NRXN3: variants seen among roughly 807,000 people sequenced by gnomAD.
NRXN3 encodes the protein neurexin III.
Under a neutral mutation model 137.6 loss-of-function variants are expected in NRXN3, and 32 were observed. That is an observed-to-expected ratio of 0.23 (90% CI 0.18 to 0.31). The LOEUF is 0.31. NRXN3 is among the 10% of genes least tolerant of loss of function. The pLI is 1.00. For synonymous variants in NRXN3, 798 were observed against 784.5 expected, an observed-to-expected ratio of 1.02 and a Z score of -0.29; for missense variants, 1,574 against 2,062.5, an observed-to-expected ratio of 0.76 and a Z score of 4.59.
intron 6 of NRXN3, among the ~76,000 whole-genome samples, chr14:78,673,039 A>T (rs767698954): frequency 1.2e-3 from 186 of 152,326 alleles, no homozygotes; most frequent in Middle Eastern, 3.4e-3. Context: ...CTTATCAGTA[A>T]ATGTGCTCAG....
At chr14:79,127,255 C>T (rs530771857) in intron 15 of NRXN3, among the ~76,000 whole-genome samples, 10 of 152,236 alleles carry the variant, frequency 6.6e-5, no homozygotes, top group Admixed American at 2.6e-4. Flanking sequence ...TCACCCATGC[C>T]TATGTCCTGA....
At chr14:79,392,035 G>T (rs2094863649) in intron 15 of NRXN3, among the ~76,000 whole-genome samples, 1 of 151,916 alleles carries the variant, frequency 6.6e-6, no homozygotes, top group Non-Finnish European at 1.5e-5. Context: ...AGATACATGT[G>T]CAGAATGTGC....
chr14:79,017,647 G>A (rs751306422), intron 15 of NRXN3, among the ~76,000 whole-genome samples: 1 of 152,122 alleles, frequency 6.6e-6, no homozygotes, highest in Non-Finnish European at 1.5e-5. Context: ...GGGTCAGCTT[G>A]CACATTCTAT....
chr14:78,922,838 T>C (rs2099274727), intron 10 of NRXN3, among the ~76,000 whole-genome samples: 1 of 152,198 alleles, frequency 6.6e-6, no homozygotes, highest in South Asian at 2.1e-4. Flanking sequence ...GCATGTCCTG[T>C]ACATGTATCC....
chr14:78,359,902 T>C (rs2084871478), intron 4 of NRXN3, among the ~76,000 whole-genome samples: 1 of 152,136 alleles, frequency 6.6e-6, no homozygotes, highest in Non-Finnish European at 1.5e-5. Context: ...TCCAGAACCT[T>C]ATTCTGTCAT....
At chr14:78,690,986 G>A (rs965440981) in intron 6 of NRXN3, among the ~76,000 whole-genome samples, 1 of 152,106 alleles carries the variant, frequency 6.6e-6, no homozygotes, top group Non-Finnish European at 1.5e-5. Context: ...GATGCGTGGG[G>A]GAAGCCTCTT....
chr14:79,148,091 A>G (rs1021098707), intron 15 of NRXN3, among the ~76,000 whole-genome samples: 1 of 152,120 alleles, frequency 6.6e-6, no homozygotes, highest in Non-Finnish European at 1.5e-5. Flanking sequence ...CTGGATGGTG[A>G]AAAAAAATAT....
At chr14:79,258,024 A>G (rs1415760836) in intron 15 of NRXN3, among the ~76,000 whole-genome samples, 5 of 152,114 alleles carry the variant, frequency 3.3e-5, no homozygotes, top group Admixed American at 6.5e-5. Context: ...TTCCTACAAG[A>G]CATAATGAAT....
At chr14:78,403,181 AC>A (rs777823417) in intron 4 of NRXN3, among the ~76,000 whole-genome samples, 2 of 152,184 alleles carry the variant, frequency 1.3e-5, no homozygotes, top group Non-Finnish European at 2.9e-5. Flanking sequence ...AATATTCCAA[AC>A]TTTTGCAGCT....
At chr14:78,789,061 A>G (rs200051399) in intron 8 of NRXN3, among the ~76,000 whole-genome samples, 6 of 152,326 alleles carry the variant, frequency 3.9e-5, no homozygotes, top group African/African-American at 1.4e-4. Context: ...GTTTATTTTG[A>G]AATTTTATAA....
intron 6 of NRXN3, among the ~76,000 whole-genome samples, chr14:78,652,436 T>G (rs2097754459): frequency 6.6e-6 from 1 of 152,214 alleles, no homozygotes; most frequent in African/African-American, 2.4e-5. Context: ...GGTAGAGCTC[T>G]TTCAGAACAC....
chr14:79,703,277 A>G (rs1429308811), intron 19 of NRXN3, among the ~76,000 whole-genome samples: 1 of 152,184 alleles, frequency 6.6e-6, no homozygotes, highest in Non-Finnish European at 1.5e-5. Flanking sequence ...TTAGCTTTTC[A>G]GTGTCAGACT....
intron 15 of NRXN3, among the ~76,000 whole-genome samples, chr14:79,026,361 C>T (rs2099598022): frequency 6.6e-6 from 1 of 152,052 alleles, no homozygotes; most frequent in African/African-American, 2.4e-5. Flanking sequence ...AAACATTTGG[C>T]TTAATAATAA....
At chr14:78,395,601 G>A (rs2091362085) in intron 4 of NRXN3, among the ~76,000 whole-genome samples, 1 of 151,894 alleles carries the variant, frequency 6.6e-6, no homozygotes. Context: ...CGATTATTGA[G>A]AGAAGGGTGT....
At chr14:78,206,144 C>T (rs934890512) in intron 1 of NRXN3, among the ~76,000 whole-genome samples, 1 of 152,180 alleles carries the variant, frequency 6.6e-6, no homozygotes, top group African/African-American at 2.4e-5. Context: ...GATGCCCTGT[C>T]TTTTTGTTTT....
chr14:78,707,424 C>T (rs1567109071), intron 6 of NRXN3, among the ~76,000 whole-genome samples: 1 of 152,100 alleles, frequency 6.6e-6, no homozygotes, highest in Non-Finnish European at 1.5e-5. Context: ...GAGATCAGAG[C>T]GCCAAAAACC....
At chr14:78,954,334 A>G (rs938265682) in intron 10 of NRXN3, among the ~76,000 whole-genome samples, 2 of 152,216 alleles carry the variant, frequency 1.3e-5, no homozygotes, top group Non-Finnish European at 2.9e-5. Context: ...TTGAAAATGA[A>G]TATCAAATAC....
At chr14:79,069,090 C>A (rs189934303) in intron 15 of NRXN3, among the ~76,000 whole-genome samples, 5 of 151,958 alleles carry the variant, frequency 3.3e-5, no homozygotes, top group Non-Finnish European at 7.4e-5. Context: ...AATTTCTCTC[C>A]AGGGCATTGA....
At chr14:79,272,611 G>T (rs1017423949) in intron 15 of NRXN3, among the ~76,000 whole-genome samples, 1 of 152,132 alleles carries the variant, frequency 6.6e-6, no homozygotes, top group African/African-American at 2.4e-5. Flanking sequence ...AGTCACTAGA[G>T]AGCCCTTTCA....
Sources: gnomAD v4.1 joint callset for allele counts (sites outside exome capture counted in the v4.1 genomes callset) on GRCh38, gnomAD v4.1.1 for gene constraint, MANE v1.5 for transcripts, NCBI Gene and HGNC (gene_info 2026-07-23, HGNC 2026-07-21) for gene names.